Variants in SAMD4A observed in about 807,000 individuals in gnomAD.
SAMD4A encodes protein Smaug homolog 1.
SAMD4A carries 33 observed loss-of-function variants against 81.3 expected under a neutral mutation model. The observed-to-expected ratio is 0.41, with a 90% CI of 0.31 to 0.54. The LOEUF (loss-of-function observed/expected upper bound fraction) is 0.54, where lower values mean the gene tolerates loss of function less well. SAMD4A is among the 20% of genes least tolerant of loss of function. The pLI, the probability that SAMD4A is intolerant of heterozygous loss-of-function variation, is 0.37. For synonymous variants in SAMD4A, 389 were observed against 382.1 expected (o/e 1.02, Z -0.21); for missense variants, 854 against 951.1 (o/e 0.90, Z 1.34).
rs2295821 is a variant in SAMD4A at position 54,751,584 on chromosome 14, T to C, written c.1176+47T>C. The C allele has an allele frequency of 2.4e-5, 30 of 1,250,264 alleles. No homozygotes were observed. The East Asian group carries it at 7.0e-4, about 29-fold the overall frequency. 77.4% of individuals were successfully genotyped at this position (1,250,264 alleles called of 1,614,324 possible). ...CATTTCCACTTTCATTATGGGAAAA[T>C]GGACCAAGGAAAATTCTCCACTGGA... On this transcript the variant is annotated intron_variant, in intron 6 of 12. Transcript: ENST00000554335.
rs571592237 is a variant in SAMD4A, at chr14:54,631,076, A to G, written c.196+62964A>G. Among the ~76,000 whole-genome samples, 17 of 152,024 alleles carry G rather than the reference A, an allele frequency of 1.1e-4. No individual in the cohort carries two copies. The South Asian group carries it at 3.5e-3, about 32-fold the overall frequency. On this transcript the variant is annotated intron_variant, in intron 2 of 12. Transcript: ENST00000554335. Reference sequence around the variant, plus strand: ...GTCCAAGGGCTGATGGGCTCAAAACATGGGAAAAGCTGATGTTTCCATTTG... The same window carrying G: ...GTCCAAGGGCTGATGGGCTCAAAACGTGGGAAAAGCTGATGTTTCCATTTG...
At chr14:54,604,722 T>C (rs886578022) in intron 2 of SAMD4A, among the ~76,000 whole-genome samples, 1 of 152,232 alleles carries the variant, frequency 6.6e-6, no homozygotes, top group Non-Finnish European at 1.5e-5. Flanking sequence ...TTTGAGTTTT[T>C]ATTGCACTTC....
At chr14:54,640,790 G>C (rs966769600) in intron 2 of SAMD4A, among the ~76,000 whole-genome samples, 1 of 152,102 alleles carries the variant, frequency 6.6e-6, no homozygotes, top group Non-Finnish European at 1.5e-5. Flanking sequence ...GCACTGGGCA[G>C]GCCGTGGGGA....
chr14:54,761,891 T>G (rs1159532327), intron 7 of SAMD4A, among the ~76,000 whole-genome samples: 1 of 152,202 alleles, frequency 6.6e-6, no homozygotes, highest in African/African-American at 2.4e-5. Context: ...CACACTAGAT[T>G]GTGATTGCCT....
At chr14:54,766,700 C>A (rs911613) in intron 8 of SAMD4A, among the ~76,000 whole-genome samples, 134,989 of 152,076 alleles carry the variant, frequency 0.89, 60,027 homozygotes, top group South Asian at 0.94. Flanking sequence ...GATAAAAGCA[C>A]ACCGGAACTC....
At chr14:54,654,003 A>G (rs1222018826) in intron 2 of SAMD4A, among the ~76,000 whole-genome samples, 1 of 152,234 alleles carries the variant, frequency 6.6e-6, no homozygotes, top group African/African-American at 2.4e-5. Context: ...CTGAGTCTTC[A>G]GTGTGTCACT....
intron 11 of SAMD4A, among the ~76,000 whole-genome samples, chr14:54,781,770 C>T (rs1566638152): frequency 6.6e-6 from 1 of 152,210 alleles, no homozygotes; most frequent in Non-Finnish European, 1.5e-5. Flanking sequence ...AAGAGCTGCC[C>T]GAATGCCCCT....
At chr14:54,727,154 C>CTTCT (rs1202088438) in intron 3 of SAMD4A, among the ~76,000 whole-genome samples, 2 of 117,716 alleles carry the variant, frequency 1.7e-5, no homozygotes, top group African/African-American at 5.6e-5. Flanking sequence ...TCACAACAGC[C>CTTCT]TTCTTTTTTT....
At chr14:54,637,299 A>C (rs1320899472) in intron 2 of SAMD4A, among the ~76,000 whole-genome samples, 1 of 130,386 alleles carries the variant, frequency 7.7e-6, no homozygotes, top group Non-Finnish European at 1.6e-5. Context: ...CGGGAGGTGG[A>C]GGTTTCAGTG....
In SAMD4A at chr14:54,604,468, G is replaced by A. The variant is rs538138053; in HGVS notation, c.196+36356G>A. Among the ~76,000 whole-genome samples the A allele has an allele frequency of 7.9e-5, 12 of 152,276 alleles. 1 individual carries two copies. Among genetic ancestry groups the A allele is most frequent in the Non-Finnish European group, 1.2e-4 (8 of 68,026 alleles). ...AGGGGAGATTTAGGATCACTCTTCC[G>A]CAATACAAAATGAACTTCCTGTGCT... On this transcript the variant is annotated intron_variant, in intron 2 of 12. Transcript: ENST00000554335.
In SAMD4A at chr14:54,717,210, C is replaced by T. The variant is rs139535659; in HGVS notation, c.715+14630C>T. On this transcript the variant is annotated intron_variant, in intron 3 of 12. Coordinates refer to ENST00000554335, the MANE Select transcript of SAMD4A (RefSeq NM_015589.6). ...CATCCCAACATTTTGGGAGGCCGAG[C>T]GGGGAGGATTGCCTGAGTGCAGGAG... Among the ~76,000 whole-genome samples the T allele has an allele frequency of 2.5e-3, 374 of 151,996 alleles. 4 individuals carry two copies. The highest frequency in any genetic ancestry group is 0.022 in the South Asian group (106 of 4,810).
upstream of SAMD4A, among the ~76,000 whole-genome samples, chr14:54,565,966 G>C (rs2032917047): frequency 6.6e-6 from 1 of 151,422 alleles, no homozygotes; most frequent in Non-Finnish European, 1.5e-5. The surrounding 1 kb of genome is among the most constrained non-coding windows in gnomAD (Gnocchi z 5.4). Flanking sequence ...CGCCGGGTCC[G>C]GGGTTCCTCC....
intron 2 of SAMD4A, 72 bp downstream of exon 2, chr14:54,568,184 G>A: frequency 2.3e-6 from 3 of 1,320,186 alleles, no homozygotes; most frequent in Non-Finnish European, 2.9e-6. Context: ...TCTCTGCCTC[G>A]GGCCAGGCCG....
At chr14:54,586,784 G>A (rs2033634168) in intron 2 of SAMD4A, among the ~76,000 whole-genome samples, 1 of 152,002 alleles carries the variant, frequency 6.6e-6, no homozygotes, top group African/African-American at 2.4e-5. Context: ...CATTGGTCTA[G>A]TGCCTATTTT....
Position 54,791,530 on chromosome 14 carries a change from T to C in SAMD4A, c.*2586T>C, listed in dbSNP as rs1594951387. 6.6e-6 allele frequency: 1 copy of C among 152,256 alleles called. No individual in the cohort carries two copies. Among genetic ancestry groups the C allele is most frequent in the Non-Finnish European group, 1.5e-5 (1 of 68,046 alleles). The allele number at this position is 152,256 out of a possible 1,614,324, so 9.4% of individuals were successfully genotyped here. A position where few individuals can be genotyped will look rare whatever the true frequency, so the allele number is the denominator to read the frequency against. On this transcript the variant is annotated 3_prime_UTR_variant, in exon 13 of 13. Transcript: ENST00000554335. Reference sequence around the variant, plus strand: ...GGATATGTTACTTATTAACTTGCTATGGCTGGTAACCATGATAAAGTCTGT... The same window carrying C: ...GGATATGTTACTTATTAACTTGCTACGGCTGGTAACCATGATAAAGTCTGT...
chr14:54,637,383 AAAAAG>A (rs1378115212), intron 2 of SAMD4A, among the ~76,000 whole-genome samples: 2 of 145,808 alleles, frequency 1.4e-5, no homozygotes, highest in African/African-American at 2.5e-5. Context: ...AAAAAAAAAA[AAAAAG>A]AGGCAAGAAG....
intron 6 of SAMD4A, among the ~76,000 whole-genome samples, chr14:54,753,527 G>T (rs1436483619): frequency 1.3e-5 from 2 of 152,188 alleles, no homozygotes; most frequent in Non-Finnish European, 2.9e-5. Context: ...CAAAGCAATT[G>T]TTTCAAGTAC....
At chr14:54,647,202 TATC>T (rs1300701705) in intron 2 of SAMD4A, among the ~76,000 whole-genome samples, 10 of 152,374 alleles carry the variant, frequency 6.6e-5, no homozygotes, top group Middle Eastern at 3.4e-3. Flanking sequence ...GATACGTTAT[TATC>T]ATCATCAACT....
At chr14:54,694,551 T>C (rs2036531321) in intron 2 of SAMD4A, 1 of 845,804 alleles carries the variant, frequency 1.2e-6, no homozygotes, top group Non-Finnish European at 1.4e-6. Context: ...GAGGGTGCAG[T>C]TGGAGTGTGA....
Sources: gnomAD v4.1 joint callset for allele counts (sites outside exome capture counted in the v4.1 genomes callset) on GRCh38, gnomAD v4.1.1 for gene constraint, Gnocchi (gnomAD v3.1) non-coding constraint, MANE v1.5 for transcripts, NCBI Gene and HGNC (gene_info 2026-07-23, HGNC 2026-07-21) for gene names.